ABCA12: variants seen among roughly 807,000 people sequenced by gnomAD.
ABCA12 encodes glucosylceramide transporter ABCA12.
ABCA12 carries 156 observed loss-of-function variants against 293.5 expected under a neutral mutation model. The observed-to-expected ratio is 0.53, with a 90% CI of 0.47 to 0.61. ABCA12 has a LOEUF of 0.61. Ranked by LOEUF, ABCA12 falls within the 20% of genes least tolerant of loss-of-function variation. The pLI is 0.00. For missense variants in ABCA12, 2,797 were observed against 3,090.2 expected, an observed-to-expected ratio of 0.91 and a Z score of 2.25; for synonymous variants, 1,063 against 1,108.0, an observed-to-expected ratio of 0.96 and a Z score of 0.81.
intron 2 of ABCA12, among the ~76,000 whole-genome samples, chr2:215,102,926 G>A: frequency 6.6e-6 from 1 of 152,204 alleles, no homozygotes; most frequent in East Asian, 1.9e-4. Context: ...TTCATCATAA[G>A]GTTTTGTATT....
At chr2:215,066,115 C>A (rs762543742) in intron 2 of ABCA12, among the ~76,000 whole-genome samples, 1 of 152,034 alleles carries the variant, frequency 6.6e-6, no homozygotes, top group Non-Finnish European at 1.5e-5. Flanking sequence ...GTCATCCCTC[C>A]GAAACAAAAT....
chr2:215,052,380 TA>T, intron 5 of ABCA12, 106 bp downstream of exon 5: 1 of 932,690 alleles, frequency 1.1e-6, no homozygotes. Flanking sequence ...GATATTACCC[TA>T]AATAGGAAAG....
chr2:214,942,957 T>C lies in ABCA12; in HGVS notation c.7404A>G (p.Gln2468=). The C allele has an allele frequency of 2.5e-6, 4 of 1,613,510 alleles. No homozygotes were observed. Among genetic ancestry groups the C allele is most frequent in the Non-Finnish European group, 3.4e-6 (4 of 1,179,760 alleles). Residue 2468 remains glutamine (Q), a synonymous_variant, in exon 50 of 53, where the codon CAA becomes CAG. Transcript: ENST00000272895. The part of the protein sequence containing the change: ...RLAIMVNGKF[Q]CIGSLQHIKS... ...TTATGTGCTGCAAAGATCCAATACA[T>C]TGAAACTTTCCATTCACCATAATGG...
At chr2:215,125,043 C>A (rs1702893284) in intron 1 of ABCA12, among the ~76,000 whole-genome samples, 1 of 152,130 alleles carries the variant, frequency 6.6e-6, no homozygotes, top group Non-Finnish European at 1.5e-5. Flanking sequence ...ATCCCAGCAC[C>A]ATTTGTTGAA....
At chr2:215,118,273 A>G (rs1442721878) in intron 1 of ABCA12, among the ~76,000 whole-genome samples, 4 of 152,036 alleles carry the variant, frequency 2.6e-5, no homozygotes, top group Non-Finnish European at 4.4e-5. Flanking sequence ...ATGGTGGCAC[A>G]CGCTTTTAGT....
intron 4 of ABCA12, 121 bp downstream of exon 4, chr2:215,054,452 C>T: frequency 1.2e-6 from 1 of 857,564 alleles, no homozygotes; most frequent in Non-Finnish European, 1.9e-6. Context: ...GTTTAGATCT[C>T]ACAGGGCTAT....
chr2:215,101,789 A>G (rs1702362187), intron 2 of ABCA12, among the ~76,000 whole-genome samples: 1 of 152,216 alleles, frequency 6.6e-6, no homozygotes, highest in Non-Finnish European at 1.5e-5. Flanking sequence ...GGTGTTTAAA[A>G]AGCCTAAGGA....
At chr2:215,009,288 C>A (rs1379013069) in intron 18 of ABCA12, among the ~76,000 whole-genome samples, 5 of 151,840 alleles carry the variant, frequency 3.3e-5, no homozygotes, top group Non-Finnish European at 5.9e-5. Flanking sequence ...AACACATGGA[C>A]ATAGAGAGGG....
chr2:214,958,944 G>A (rs1207273484), intron 40 of ABCA12, 80 bp downstream of exon 40: 2 of 1,346,688 alleles, frequency 1.5e-6, no homozygotes, highest in Non-Finnish European at 1.1e-6. Context: ...AGATACAACT[G>A]TGATTTCCAA....
intron 2 of ABCA12, among the ~76,000 whole-genome samples, chr2:215,091,320 C>T (rs1396028616): frequency 1.3e-5 from 2 of 152,180 alleles, no homozygotes; most frequent in Non-Finnish European, 2.9e-5. Context: ...CCCCTCCTCA[C>T]ACCTGGTCTG....
At chr2:215,135,154 T>C (rs577929240) in intron 1 of ABCA12, among the ~76,000 whole-genome samples, 19 of 152,142 alleles carry the variant, frequency 1.2e-4, no homozygotes, top group Admixed American at 1.2e-3. Flanking sequence ...TAGTAGAGTT[T>C]TGCCATATTG....
At position 215,049,786 on chromosome 2, in the gene ABCA12, T is replaced by C. The variant is rs1480233077; in HGVS notation, c.533A>G (p.Glu178Gly). Reference sequence around the variant, plus strand: ...GTCACATAGTTCTCTTCGTATATCTTCTGAAGTTGAATTTTGCTTTAACAG... The same window carrying C: ...GTCACATAGTTCTCTTCGTATATCTCCTGAAGTTGAATTTTGCTTTAACAG... ...EKLLKQNSTS[E>G]DIRRELCDSY... The change falls in exon 6 of 53, where the codon GAA (glutamate) becomes GGA (glycine). Residue 178 changes from glutamate to glycine, a missense_variant. Around this residue, in one of 3 missense-constraint regions of ABCA12, gnomAD observed 656 missense variants for 638.2 expected, o/e 1.03. Coordinates refer to ENST00000272895, the MANE Select transcript of ABCA12 (RefSeq NM_173076.3). The C allele has an allele frequency of 1.9e-6, 3 of 1,613,160 alleles. No homozygotes were observed. The highest frequency in any genetic ancestry group is 2.5e-6 in the Non-Finnish European group (3 of 1,179,672).
intron 11 of ABCA12, among the ~76,000 whole-genome samples, chr2:215,020,456 C>G (rs1700604590): frequency 6.6e-6 from 1 of 152,228 alleles, no homozygotes; most frequent in East Asian, 1.9e-4. Flanking sequence ...TATGATTCCA[C>G]TTATATGATG....
intron 7 of ABCA12, among the ~76,000 whole-genome samples, chr2:215,045,491 T>G (rs758838744): frequency 6.6e-6 from 1 of 152,172 alleles, no homozygotes; most frequent in Non-Finnish European, 1.5e-5. Flanking sequence ...TAAATGCTAG[T>G]TGCATAGAGC....
At chr2:214,979,116 A>G in intron 31 of ABCA12, 76 bp from the exon 32 acceptor site, 2 of 1,345,940 alleles carry the variant, frequency 1.5e-6, no homozygotes, top group Non-Finnish European at 2.1e-6. Flanking sequence ...TCAGAGGGTG[A>G]GGTGATGAGC....
chr2:214,960,018 G>A (rs540223093), intron 39 of ABCA12, among the ~76,000 whole-genome samples: 1 of 152,202 alleles, frequency 6.6e-6, no homozygotes, highest in Non-Finnish European at 1.5e-5. Context: ...TATAGTATTT[G>A]TTCATTGTAC....
At chr2:215,027,932 T>G (rs1700784948) in intron 9 of ABCA12, among the ~76,000 whole-genome samples, 1 of 152,128 alleles carries the variant, frequency 6.6e-6, no homozygotes, top group Admixed American at 6.5e-5. Flanking sequence ...GGAAAGGGCC[T>G]AAGATTTTTC....
At chr2:215,101,507 T>A (rs546106374) in intron 2 of ABCA12, among the ~76,000 whole-genome samples, 1 of 152,280 alleles carries the variant, frequency 6.6e-6, no homozygotes, top group East Asian at 1.9e-4. Flanking sequence ...GCTGGGTACA[T>A]CTGTTTGTAA....
intron 1 of ABCA12, among the ~76,000 whole-genome samples, chr2:215,130,814 G>T (rs1703036686): frequency 6.6e-6 from 1 of 151,998 alleles, no homozygotes; most frequent in Non-Finnish European, 1.5e-5. Flanking sequence ...TCCTTGTCTT[G>T]TTCCAATTCT....
Sources: gnomAD v4.1 joint callset for allele counts (sites outside exome capture counted in the v4.1 genomes callset) on GRCh38, gnomAD v4.1.1 for gene constraint, gnomAD v4.1.1 regional missense constraint, MANE v1.5 for transcripts, NCBI Gene and HGNC (gene_info 2026-07-23, HGNC 2026-07-21) for gene names.